Variants in EML1 observed in about 807,000 individuals in gnomAD.
EML1 encodes EMAP like 1, also known as echinoderm microtubule-associated protein-like 1.
Under a neutral mutation model 110.4 loss-of-function variants are expected in EML1, and 27 were observed. That is an observed-to-expected ratio of 0.24 (90% CI 0.18 to 0.34). The LOEUF (loss-of-function observed/expected upper bound fraction) is 0.34. Ranked by LOEUF, EML1 falls within the 10% of genes least tolerant of loss-of-function variation. The probability of loss-of-function intolerance (pLI) is 1.00; values close to 1 mark genes in which losing one functional copy is unlikely to be tolerated. For missense variants in EML1, 741 were observed against 1,030.9 expected, an observed-to-expected ratio of 0.72 and a Z score of 3.85; for synonymous variants, 344 against 385.8, an observed-to-expected ratio of 0.89 and a Z score of 1.27.
chr14:99,827,431 A>G lies in EML1; in HGVS notation c.68-23422A>G, dbSNP rs1200376020. The stretch of plus-strand genomic sequence containing the variant: ...ACAAGTAAGGTGCAAATACCCTTGC[A>G]GCGTATCCAGGCCCAGTAGGCACGA... On this transcript the variant is annotated intron_variant, in intron 1 of 21. Transcript: ENST00000262233. This position sits in a 1 kb window ranked among gnomAD's most constrained non-coding sequence, Gnocchi z 4.4. Among the ~76,000 whole-genome samples the G allele has an allele frequency of 6.6e-6, 1 of 152,220 alleles. No individual in the cohort carries two copies. Among genetic ancestry groups the G allele is most frequent in the Non-Finnish European group, 1.5e-5 (1 of 68,034 alleles).
chr14:99,915,490 A>T (rs1196278574), intron 15 of EML1: 3 of 151,628 alleles, frequency 2.0e-5, no homozygotes, highest in African/African-American at 7.3e-5. Context: ...CAGAGTGTTG[A>T]AATGCCCTTT....
At chr14:99,934,446 C>A (rs1008905608) in intron 17 of EML1, among the ~76,000 whole-genome samples, 1 of 152,252 alleles carries the variant, frequency 6.6e-6, no homozygotes, top group Non-Finnish European at 1.5e-5. Flanking sequence ...AAATACCATT[C>A]CCTGAGGCGC....
upstream of EML1, chr14:99,793,234 C>A: frequency 1.6e-6 from 1 of 634,098 alleles, no homozygotes; most frequent in Non-Finnish European, 2.0e-6. Flanking sequence ...CCGCCACGTC[C>A]CCCTCCCGGC....
chr14:99,813,144 T>C (rs546534772), intron 1 of EML1, among the ~76,000 whole-genome samples: 1 of 152,178 alleles, frequency 6.6e-6, no homozygotes, highest in Non-Finnish European at 1.5e-5. Flanking sequence ...ATTATGGGTA[T>C]GGCTGAACCA....
At chr14:99,847,132 T>G (rs2058719461) in intron 1 of EML1, among the ~76,000 whole-genome samples, 1 of 152,228 alleles carries the variant, frequency 6.6e-6, no homozygotes, top group Non-Finnish European at 1.5e-5. Flanking sequence ...TATTGCTTCA[T>G]TTCCAAATAT....
chr14:99,868,116 A>T, intron 3 of EML1, among the ~76,000 whole-genome samples: 1 of 152,196 alleles, frequency 6.6e-6, no homozygotes, highest in Non-Finnish European at 1.5e-5. Context: ...ATTGTATCAC[A>T]TTGATTGATT....
At chr14:99,891,303 C>T (rs2059583792) in intron 5 of EML1, 76 bp downstream of exon 5, 2 of 1,589,606 alleles carry the variant, frequency 1.3e-6, no homozygotes, top group Non-Finnish European at 1.7e-6. Context: ...AAGAAGTAGC[C>T]AGCTTCAGGG....
At chr14:99,802,358 C>T (rs1336354834) in intron 1 of EML1, among the ~76,000 whole-genome samples, 2 of 151,786 alleles carry the variant, frequency 1.3e-5, no homozygotes, top group East Asian at 3.9e-4. Context: ...GACTTGTTCA[C>T]ATTTTTTGTT....
At chr14:99,799,576 G>A (rs1019251052) in intron 1 of EML1, among the ~76,000 whole-genome samples, 4 of 152,340 alleles carry the variant, frequency 2.6e-5, no homozygotes, top group Admixed American at 6.5e-5. Context: ...CACGCTAAGC[G>A]AGAATTTCTA....
At chr14:99,865,455 G>C (rs1292143930) in intron 2 of EML1, 59 bp from the exon 3 acceptor site, 3 of 1,604,228 alleles carry the variant, frequency 1.9e-6, no homozygotes, top group African/African-American at 2.7e-5. Flanking sequence ...GACCCCTGCT[G>C]TAAAATGTTA....
At chr14:99,860,178 AAC>A (rs2058978940) in intron 2 of EML1, among the ~76,000 whole-genome samples, 1 of 152,114 alleles carries the variant, frequency 6.6e-6, no homozygotes, top group Non-Finnish European at 1.5e-5. Context: ...ATGCGTTCCA[AAC>A]ACAGCGTTTC....
intron 1 of EML1, among the ~76,000 whole-genome samples, chr14:99,819,601 A>G (rs949841414): frequency 7.2e-5 from 11 of 152,198 alleles, no homozygotes; most frequent in African/African-American, 2.7e-4. Context: ...AGTTTAGACA[A>G]GATCTGTTCC....
chr14:99,901,069 C>A (rs746236304), intron 9 of EML1, 30 bp downstream of exon 9: 2 of 1,574,816 alleles, frequency 1.3e-6, no homozygotes, highest in East Asian at 4.5e-5. Flanking sequence ...ATATTGCTGT[C>A]TTCTTCCACA....
intron 4 of EML1, among the ~76,000 whole-genome samples, chr14:99,880,895 G>C (rs1288644584): frequency 6.6e-6 from 1 of 152,214 alleles, no homozygotes; most frequent in African/African-American, 2.4e-5. Flanking sequence ...CCCTGTGATA[G>C]TTCTTATAAA....
chr14:99,794,197 A>G (rs1479806654), intron 1 of EML1, among the ~76,000 whole-genome samples: 2 of 152,174 alleles, frequency 1.3e-5, no homozygotes, highest in Non-Finnish European at 2.9e-5. Context: ...ATCCACCAAT[A>G]TGGCATCTTT....
chr14:99,800,351 T>A (rs1168598825), intron 1 of EML1, among the ~76,000 whole-genome samples: 2 of 151,678 alleles, frequency 1.3e-5, no homozygotes, highest in Non-Finnish European at 2.9e-5. Flanking sequence ...GTTTTTTTTT[T>A]AAGTTTAATT....
At chr14:99,809,308 T>C (rs2139707694) in intron 1 of EML1, 1 of 158,614 alleles carries the variant, frequency 6.3e-6, no homozygotes, top group South Asian at 1.8e-4. Flanking sequence ...TCAGGCCACA[T>C]TGTAGGTAAA....
intron 4 of EML1, among the ~76,000 whole-genome samples, chr14:99,888,028 G>T (rs768573322): frequency 6.6e-6 from 1 of 152,086 alleles, no homozygotes; most frequent in South Asian, 2.1e-4. Flanking sequence ...AATAAGCTGG[G>T]TTTTTTTCAA....
rs137929732 is a variant in EML1, at chr14:99,901,707, A to G, written c.1008+668A>G. On this transcript the variant is annotated intron_variant, in intron 9 of 21. Transcript: ENST00000262233. ...TGGGAGTGTAGCAGTGAGGACAACC[A>G]GAGGTCACTCTTGTCGCCATCTTGG... 6.6e-3 allele frequency among the ~76,000 whole-genome samples: 1,005 copies of G among 152,278 alleles called. 13 individuals carry two copies. The highest frequency in any genetic ancestry group is 0.023 in the African/African-American group (959 of 41,564).
Sources: allele counts gnomAD v4.1 joint callset (sites outside exome capture counted in the v4.1 genomes callset), GRCh38; gene constraint gnomAD v4.1.1; non-coding constraint Gnocchi (gnomAD v3.1); transcripts MANE v1.5; gene names NCBI Gene and HGNC (gene_info 2026-07-23, HGNC 2026-07-21).